Variants in MEOX2 observed in about 807,000 individuals in gnomAD.
MEOX2 encodes the protein homeobox protein MOX-2.
In MEOX2, 11 loss-of-function variants were observed where a neutral mutation model predicts 27.0. That is an observed-to-expected ratio of 0.41 (90% CI 0.26 to 0.68). MEOX2 has a LOEUF of 0.68. Ranked by LOEUF, MEOX2 falls within the 30% of genes least tolerant of loss-of-function variation. MEOX2 has a pLI of 0.33. For synonymous variants in MEOX2, 189 were observed against 155.4 expected, an observed-to-expected ratio of 1.22 and a Z score of -1.61; for missense variants, 436 against 385.4, an observed-to-expected ratio of 1.13 and a Z score of -1.10.
chr7:15,615,772 G>T (rs917140055), intron 2 of MEOX2, among the ~76,000 whole-genome samples: 3 of 151,986 alleles, frequency 2.0e-5, no homozygotes, highest in Non-Finnish European at 2.9e-5. Flanking sequence ...GACAATTCCA[G>T]ATGGAAGAAA....
At chr7:15,646,391 C>G (rs982962770) in intron 1 of MEOX2, among the ~76,000 whole-genome samples, 18 of 152,116 alleles carry the variant, frequency 1.2e-4, no homozygotes, top group Non-Finnish European at 2.7e-4. Flanking sequence ...TATCATCTCT[C>G]ACATAGCTAC....
At chr7:15,640,648 T>G (rs929039056) in intron 1 of MEOX2, among the ~76,000 whole-genome samples, 4 of 152,160 alleles carry the variant, frequency 2.6e-5, no homozygotes, top group Non-Finnish European at 5.9e-5. Context: ...TTCCGTATGA[T>G]GTTAGTTGTG....
chr7:15,624,048 C>A (rs1781259608), intron 2 of MEOX2, among the ~76,000 whole-genome samples: 1 of 152,164 alleles, frequency 6.6e-6, no homozygotes, highest in African/African-American at 2.4e-5. Context: ...ATATACAAAT[C>A]TACATAGAAG....
At chr7:15,683,581 A>G (rs1782326398) in intron 1 of MEOX2, among the ~76,000 whole-genome samples, 1 of 152,122 alleles carries the variant, frequency 6.6e-6, no homozygotes, top group African/African-American at 2.4e-5. Flanking sequence ...ATCTTTGAAG[A>G]TAATTTATGG....
At chr7:15,640,097 G>C (rs13437993) in intron 1 of MEOX2, among the ~76,000 whole-genome samples, 10 of 152,156 alleles carry the variant, frequency 6.6e-5, no homozygotes, top group African/African-American at 2.4e-4. Context: ...TAATGATATT[G>C]ATTCTTCCTA....
At chr7:15,635,758 C>A (rs980149099) in intron 1 of MEOX2, among the ~76,000 whole-genome samples, 1 of 151,920 alleles carries the variant, frequency 6.6e-6, no homozygotes, top group African/African-American at 2.4e-5. Flanking sequence ...TAGCAGAGTT[C>A]CACTTTACAT....
At chr7:15,667,393 A>G (rs561284278) in intron 1 of MEOX2, among the ~76,000 whole-genome samples, 7 of 151,260 alleles carry the variant, frequency 4.6e-5, no homozygotes, top group African/African-American at 7.3e-5. Flanking sequence ...GAATATTTGC[A>G]TCATGTTTGC....
intron 2 of MEOX2, among the ~76,000 whole-genome samples, chr7:15,623,833 G>T (rs1315501649): frequency 6.6e-6 from 1 of 152,190 alleles, no homozygotes; most frequent in East Asian, 1.9e-4. Context: ...CATAACAATT[G>T]TGAATATTTG....
chr7:15,654,380 C>T (rs1449437849), intron 1 of MEOX2, among the ~76,000 whole-genome samples: 13 of 151,318 alleles, frequency 8.6e-5, no homozygotes, highest in African/African-American at 3.1e-4. Context: ...TTTTTTCTTC[C>T]TTTCTGATCT....
intron 1 of MEOX2, among the ~76,000 whole-genome samples, chr7:15,657,055 T>C (rs1248497766): frequency 6.6e-6 from 1 of 152,168 alleles, no homozygotes; most frequent in Non-Finnish European, 1.5e-5. Flanking sequence ...TGAAATTTAC[T>C]ATCATTGAAA....
At chr7:15,618,080 A>G (rs1781150823) in intron 2 of MEOX2, among the ~76,000 whole-genome samples, 1 of 152,048 alleles carries the variant, frequency 6.6e-6, no homozygotes, top group South Asian at 2.1e-4. Flanking sequence ...GCAACCATTC[A>G]CATGATAAAG....
intron 1 of MEOX2, among the ~76,000 whole-genome samples, chr7:15,638,172 T>C (rs900851163): frequency 6.6e-6 from 1 of 152,114 alleles, no homozygotes; most frequent in African/African-American, 2.4e-5. Context: ...TCCACAATCC[T>C]CATAATTTCT....
At chr7:15,643,491 G>A (rs1316114487) in intron 1 of MEOX2, among the ~76,000 whole-genome samples, 1 of 152,122 alleles carries the variant, frequency 6.6e-6, no homozygotes, top group East Asian at 1.9e-4. Context: ...GGGAACAGGG[G>A]TGGGGGAGGG....
chr7:15,620,686 A>G lies in MEOX2; in HGVS notation c.690+6060T>C, dbSNP rs73679811. Among the ~76,000 whole-genome samples the G allele has an allele frequency of 3.9e-3, 588 of 152,368 alleles. 10 individuals carry two copies. The highest frequency in any genetic ancestry group is 0.014 in the African/African-American group (566 of 41,596). ...AAAAAATGATAGCTATTTTGAAAATACTTGGCATTGGGCCATTTGATGATT... is the reference window on the plus strand; with the variant it reads ...AAAAAATGATAGCTATTTTGAAAATGCTTGGCATTGGGCCATTTGATGATT... On this transcript the variant is annotated intron_variant, in intron 2 of 2. Transcript: ENST00000262041.
At chr7:15,639,638 G>T (rs1053713712) in intron 1 of MEOX2, among the ~76,000 whole-genome samples, 1 of 151,952 alleles carries the variant, frequency 6.6e-6, no homozygotes, top group Non-Finnish European at 1.5e-5. Context: ...GTTAATTTTT[G>T]TATATAGTGA....
intron 1 of MEOX2, among the ~76,000 whole-genome samples, chr7:15,676,567 T>G (rs958979640): frequency 2.0e-5 from 3 of 152,080 alleles, no homozygotes; most frequent in African/African-American, 7.2e-5. Flanking sequence ...CTCTGTACAC[T>G]CCTTTTAAAA....
chr7:15,676,571 T>C lies in MEOX2; in HGVS notation c.517+9315A>G, dbSNP rs560644921. On this transcript the variant is annotated intron_variant, in intron 1 of 2. Transcript: ENST00000262041. ...ATGCCCTGCCCCTCTGTACACTCCT[T>C]TTAAAAAGTTAAGTTCTGGCCGGGC... Among the ~76,000 whole-genome samples, 5 of 152,192 alleles carry C rather than the reference T, an allele frequency of 3.3e-5. No homozygotes were observed. The East Asian group carries it at 7.7e-4, about 24-fold the overall frequency.
At chr7:15,646,397 G>C (rs1781650114) in intron 1 of MEOX2, among the ~76,000 whole-genome samples, 1 of 151,846 alleles carries the variant, frequency 6.6e-6, no homozygotes. Context: ...CTCTCACATA[G>C]CTACACAGCT....
At chr7:15,665,801 G>A (rs1477656956) in intron 1 of MEOX2, among the ~76,000 whole-genome samples, 3 of 152,192 alleles carry the variant, frequency 2.0e-5, no homozygotes, top group African/African-American at 7.2e-5. Flanking sequence ...ATTGCTGAAA[G>A]CGCGCAGCTG....
Sources: gnomAD v4.1 joint callset for allele counts (sites outside exome capture counted in the v4.1 genomes callset) on GRCh38, gnomAD v4.1.1 for gene constraint, MANE v1.5 for transcripts, NCBI Gene and HGNC (gene_info 2026-07-23, HGNC 2026-07-21) for gene names.